The following CSMD1 variants were observed in gnomAD, a reference collection of about 807,000 sequenced individuals.
CSMD1 encodes CUB and sushi domain-containing protein 1.
Under a neutral mutation model 417.5 loss-of-function variants are expected in CSMD1, and 213 were observed. The ratio of observed to expected loss-of-function variants is 0.51; its 90% CI spans 0.46 to 0.57. The LOEUF (loss-of-function observed/expected upper bound fraction) is 0.57, where lower values mean the gene tolerates loss of function less well. Ranked by LOEUF, CSMD1 falls within the 20% of genes least tolerant of loss-of-function variation. CSMD1 has a pLI of 0.00. For missense variants in CSMD1, 6,923 were observed against 4,529.7 expected (o/e 1.53, Z -15.17); for synonymous variants, 2,862 against 1,736.8 (o/e 1.65, Z -16.11).
At chr8:3,000,208 C>G (rs1807277693) in intron 52 of CSMD1, 77 bp from the exon 53 acceptor site, 1 of 1,073,308 alleles carries the variant, frequency 9.3e-7, no homozygotes, top group African/African-American at 1.6e-5. Flanking sequence ...CTTTTATTAT[C>G]AAGTCAATAA....
rs780097374 is a variant in CSMD1 at position 3,219,375 on chromosome 8, T to C, written c.4552A>G (p.Ile1518Val). The C allele has an allele frequency of 5.4e-5, 84 of 1,569,256 alleles. No homozygotes were observed. The highest frequency in any genetic ancestry group is 2.1e-4 in the Admixed American group (11 of 53,152). Residue 1518 changes from isoleucine to valine, a missense_variant, in exon 29 of 70, where the codon ATT (isoleucine) becomes GTT (valine). Physicochemically the swap from Ile to Val is conservative, Grantham distance 29. Coordinates refer to ENST00000635120, the MANE Select transcript of CSMD1 (RefSeq NM_033225.6). ...YEGEDSNSPL[I>V]GSYQGSQAPE... ...GCCTGAGAGCCCTGGTAACTCCCAA[T>C]GAGGGGGCTGTTGGAATCTTCCCCT...
chr8:3,403,055 T>G (rs187216343), intron 15 of CSMD1, among the ~76,000 whole-genome samples: 29 of 152,292 alleles, frequency 1.9e-4, no homozygotes, highest in African/African-American at 5.8e-4. Flanking sequence ...TTTTTATGGA[T>G]AGACATTTGC....
intron 3 of CSMD1, among the ~76,000 whole-genome samples, chr8:4,125,012 C>T (rs990349534): frequency 7.2e-5 from 11 of 152,050 alleles, no homozygotes; most frequent in African/African-American, 2.4e-4. Flanking sequence ...TAAATCTTGC[C>T]GCCGCACACT....
chr8:3,898,557 A>C (rs1344191707), intron 5 of CSMD1, among the ~76,000 whole-genome samples: 1 of 152,198 alleles, frequency 6.6e-6, no homozygotes, highest in East Asian at 1.9e-4. Context: ...ACATAAATCT[A>C]TCCTGTAATG....
intron 1 of CSMD1, among the ~76,000 whole-genome samples, chr8:4,693,258 C>T (rs562227929): frequency 6.6e-6 from 1 of 152,308 alleles, no homozygotes; most frequent in South Asian, 2.1e-4. Context: ...CTGCCAATAA[C>T]AAGTTCAAGG....
At chr8:3,498,348 G>A (rs374313743) in intron 10 of CSMD1, among the ~76,000 whole-genome samples, 1 of 152,160 alleles carries the variant, frequency 6.6e-6, no homozygotes, top group Non-Finnish European at 1.5e-5. Flanking sequence ...ATCAAATCAG[G>A]AGAACTGTGA....
intron 1 of CSMD1, among the ~76,000 whole-genome samples, chr8:4,972,060 G>A (rs750874870): frequency 1.3e-5 from 2 of 151,978 alleles, no homozygotes; most frequent in Non-Finnish European, 2.9e-5. Context: ...AAGGTGAAGA[G>A]GTAAGCGATA....
intron 5 of CSMD1, among the ~76,000 whole-genome samples, chr8:3,940,357 G>A (rs2627525): frequency 0.19 from 29,147 of 151,706 alleles, 2,987 homozygotes; most frequent in East Asian, 0.27. Flanking sequence ...AGCAATGGTG[G>A]GGGGAAAACA....
rs34852315 is a variant in CSMD1 at position 4,233,667 on chromosome 8, G to A, written c.415+186286C>T. Among the ~76,000 whole-genome samples, 399 of 152,222 alleles carry A rather than the reference G, an allele frequency of 2.6e-3. 1 individual carries two copies. The highest frequency in any genetic ancestry group is 9.3e-3 in the African/African-American group (386 of 41,538). On this transcript the variant is annotated intron_variant, in intron 3 of 69. Transcript: ENST00000635120. ...AGATCTGTGAGAAGCAAATTTCTGTGCTTTATAAGCTATCCAATGTATGGA... is the reference window on the plus strand; with the variant it reads ...AGATCTGTGAGAAGCAAATTTCTGTACTTTATAAGCTATCCAATGTATGGA...
Position 4,697,038 on chromosome 8 carries a change from G to T in CSMD1, c.86-59480C>A, listed in dbSNP as rs560484500. Among the ~76,000 whole-genome samples, 387 of 152,186 alleles carry T rather than the reference G, an allele frequency of 2.5e-3. 4 individuals carry two copies. The highest frequency in any genetic ancestry group is 9.0e-3 in the African/African-American group (374 of 41,504). ...AATACAAAAATTATCTGGGCGTGGT[G>T]GTGCGTGCCTGTAATCCCAGCTACT... On this transcript the variant is annotated intron_variant, in intron 1 of 69. Coordinates refer to ENST00000635120, the MANE Select transcript of CSMD1 (RefSeq NM_033225.6).
At chr8:3,225,633 T>G (rs1436075054) in intron 27 of CSMD1, among the ~76,000 whole-genome samples, 4 of 152,198 alleles carry the variant, frequency 2.6e-5, no homozygotes, top group African/African-American at 9.6e-5. Context: ...TACAGGGTGC[T>G]ACCAGCAGGA....
intron 5 of CSMD1, among the ~76,000 whole-genome samples, chr8:3,786,964 C>T (rs12543150): frequency 0.23 from 35,647 of 152,042 alleles, 4,821 homozygotes; most frequent in Non-Finnish European, 0.3. Context: ...GGCATTCAAT[C>T]CTCATCATCT....
intron 1 of CSMD1, among the ~76,000 whole-genome samples, chr8:4,642,938 T>A (rs944462261): frequency 6.6e-6 from 1 of 152,210 alleles, no homozygotes; most frequent in Non-Finnish European, 1.5e-5. Flanking sequence ...CTGTAGCAAA[T>A]TCTACAAACG....
chr8:4,960,707 T>C (rs1017375404), intron 1 of CSMD1, among the ~76,000 whole-genome samples: 2 of 152,190 alleles, frequency 1.3e-5, no homozygotes, highest in African/African-American at 4.8e-5. Context: ...TTGCTAGTTT[T>C]AGTCCGGTAG....
In CSMD1 at chr8:3,926,057, C is replaced by CACACACACACACAAACACCAT. The variant is rs1563218067; in HGVS notation, c.818+71845_818+71846insATGGTGTTTGTGTGTGTGTGT. Among the ~76,000 whole-genome samples the CACACACACACACAAACACCAT allele has an allele frequency of 1.3e-3, 75 of 59,896 alleles. 3 individuals are homozygous for CACACACACACACAAACACCAT. Among genetic ancestry groups the CACACACACACACAAACACCAT allele is most frequent in the East Asian group, 2.3e-3 (2 of 866 alleles). The allele number at this position is 59,896 out of a possible 152,430, so 39.3% of individuals were successfully genotyped here. Reference sequence around the variant, plus strand: ...CACACACACACAAACACCATATACACACACACACACACACACAAACACCAT... The same window carrying CACACACACACACAAACACCAT: ...CACACACACACAAACACCATATACACACACACACACACAAACACCATACACACACACACACACAAACACCAT... On this transcript the variant is annotated intron_variant, in intron 5 of 69. Transcript: ENST00000635120.
chr8:4,129,923 C>T (rs10096713), intron 3 of CSMD1, among the ~76,000 whole-genome samples: 1 of 151,874 alleles, frequency 6.6e-6, no homozygotes, highest in African/African-American at 2.4e-5. Flanking sequence ...GTAATTTTAA[C>T]AATTATATAT....
rs574065679 is a variant in CSMD1 at position 4,028,690 on chromosome 8, C to T, written c.610+3215G>A. 3.3e-5 allele frequency among the ~76,000 whole-genome samples: 5 copies of T among 152,236 alleles called. No individual in the cohort carries two copies. In the South Asian group the frequency reaches 6.2e-4, roughly 19 times the overall value. On this transcript the variant is annotated intron_variant, in intron 4 of 69. Transcript: ENST00000635120. Reference sequence around the variant, plus strand: ...CATTTACTATCTCTGGAACCTTTTGCAAATTAAAACTCTATTTCTTTACCT... The same window carrying T: ...CATTTACTATCTCTGGAACCTTTTGTAAATTAAAACTCTATTTCTTTACCT...
At chr8:3,452,083 G>A (rs10096841) in intron 12 of CSMD1, among the ~76,000 whole-genome samples, 63,974 of 151,748 alleles carry the variant, frequency 0.42, 14,049 homozygotes, top group Middle Eastern at 0.51. Flanking sequence ...AAGCAATTGT[G>A]AATGGGAGTT....
chr8:4,177,106 C>A (rs541711964), intron 3 of CSMD1, among the ~76,000 whole-genome samples: 3 of 152,266 alleles, frequency 2.0e-5, no homozygotes, highest in East Asian at 1.9e-4. Flanking sequence ...GAACTCTCCA[C>A]CCCAAATCAA....
Sources: allele counts gnomAD v4.1 joint callset (sites outside exome capture counted in the v4.1 genomes callset), GRCh38; gene constraint gnomAD v4.1.1; transcripts MANE v1.5; gene names NCBI Gene and HGNC (gene_info 2026-07-23, HGNC 2026-07-21).